CFAP95: variants seen among roughly 807,000 people sequenced by gnomAD.
CFAP95 encodes cilia- and flagella-associated protein 95.
the CFAP95 span, among the ~76,000 whole-genome samples, chr9:69,876,391 G>C: frequency 1.3e-5 from 2 of 151,850 alleles, no homozygotes; most frequent in Non-Finnish European, 2.9e-5. Flanking sequence ...AAATTACTTG[G>C]GCCTGGTGAT....
chr9:69,902,720 C>T, the CFAP95 span, among the ~76,000 whole-genome samples: 7 of 150,908 alleles, frequency 4.6e-5, no homozygotes, highest in Non-Finnish European at 7.4e-5. Context: ...TTGTGTTAAA[C>T]TTTGAAAAGC....
chr9:69,823,611 G>T, the CFAP95 span, among the ~76,000 whole-genome samples: 3 of 152,196 alleles, frequency 2.0e-5, no homozygotes, highest in Non-Finnish European at 2.9e-5. Flanking sequence ...AAGAACAGTA[G>T]AAGTTAGTTT....
At chr9:69,903,569 G>A in the CFAP95 span, among the ~76,000 whole-genome samples, 1 of 152,096 alleles carries the variant, frequency 6.6e-6, no homozygotes. Context: ...AGCCTTAGTG[G>A]GAGTATTTAT....
the CFAP95 span, among the ~76,000 whole-genome samples, chr9:69,900,130 G>T: frequency 6.6e-6 from 1 of 152,146 alleles, no homozygotes; most frequent in Admixed American, 6.5e-5. Flanking sequence ...AAATTGAGGA[G>T]CGTCTGTATA....
the CFAP95 span, chr9:69,902,268 T>C: frequency 4.4e-6 from 2 of 449,514 alleles, no homozygotes; most frequent in Non-Finnish European, 8.9e-6. Context: ...CTTCCCTATC[T>C]TCCTCCTCTT....
At chr9:69,894,334 A>G in the CFAP95 span, among the ~76,000 whole-genome samples, 2 of 152,162 alleles carry the variant, frequency 1.3e-5, no homozygotes, top group Admixed American at 1.3e-4. Flanking sequence ...TCCATGGACT[A>G]CCGAGTTGAT....
At chr9:69,897,495 G>A in the CFAP95 span, among the ~76,000 whole-genome samples, 1 of 152,086 alleles carries the variant, frequency 6.6e-6, no homozygotes, top group African/African-American at 2.4e-5. Context: ...GTTCCAGAAG[G>A]CAGTCCTAAA....
the CFAP95 span, among the ~76,000 whole-genome samples, chr9:69,823,229 A>C: frequency 6.6e-6 from 1 of 151,972 alleles, no homozygotes; most frequent in East Asian, 1.9e-4. Context: ...AAAACCATCA[A>C]ATCTTTTGAG....
At chr9:69,887,564 A>G in the CFAP95 span, among the ~76,000 whole-genome samples, 1 of 152,248 alleles carries the variant, frequency 6.6e-6, no homozygotes, top group Non-Finnish European at 1.5e-5. Context: ...TATAAAAGAA[A>G]AAAGCATACT....
chr9:69,897,834 TG>T, the CFAP95 span, among the ~76,000 whole-genome samples: 2 of 152,126 alleles, frequency 1.3e-5, no homozygotes, highest in African/African-American at 4.8e-5. Context: ...GAAGGTGGGT[TG>T]GGGGAACCAC....
chr9:69,901,304 A>T, the CFAP95 span, among the ~76,000 whole-genome samples: 9,607 of 151,924 alleles, frequency 0.063, 405 homozygotes, highest in Non-Finnish European at 0.09. Flanking sequence ...CGCCCAGCTA[A>T]ATTTTTGTAT....
At chr9:69,905,980 C>T in the CFAP95 span, 6 of 1,609,486 alleles carry the variant, frequency 3.7e-6, no homozygotes, top group African/African-American at 8.0e-5. Context: ...ATGATTATTC[C>T]ATAGTCCACA....
the CFAP95 span, among the ~76,000 whole-genome samples, chr9:69,848,084 G>T: frequency 6.6e-6 from 1 of 152,176 alleles, no homozygotes; most frequent in Non-Finnish European, 1.5e-5. Context: ...ATTTTGGAGA[G>T]TGTGCTCTAA....
the CFAP95 span, among the ~76,000 whole-genome samples, chr9:69,867,589 C>T: frequency 1.4e-4 from 21 of 152,170 alleles, no homozygotes; most frequent in Non-Finnish European, 2.9e-4. Context: ...TATTTGCCTG[C>T]CCTCTGCAGC....
the CFAP95 span, among the ~76,000 whole-genome samples, chr9:69,880,439 C>G: frequency 1.0e-3 from 154 of 152,152 alleles, no homozygotes; most frequent in Non-Finnish European, 1.7e-3. Flanking sequence ...GCTTATTTCA[C>G]TTAACATAGT....
chr9:69,870,916 G>A, the CFAP95 span, among the ~76,000 whole-genome samples: 4 of 152,044 alleles, frequency 2.6e-5, no homozygotes, highest in African/African-American at 7.2e-5. Flanking sequence ...GAGGATGAAG[G>A]ATGTACAAAA....
chr9:69,884,670 T>A, the CFAP95 span: 6 of 151,796 alleles, frequency 4.0e-5, no homozygotes, highest in Admixed American at 1.3e-4. Flanking sequence ...GTTTTTTTTT[T>A]AAATACAGTT....
At chr9:69,820,984 C>G in the CFAP95 span, 2 of 1,613,734 alleles carry the variant, frequency 1.2e-6, no homozygotes, top group Non-Finnish European at 1.7e-6. Flanking sequence ...CCCTGACCCT[C>G]CGCTCCCATC....
the CFAP95 span, among the ~76,000 whole-genome samples, chr9:69,832,760 A>T: frequency 6.8e-6 from 1 of 146,388 alleles, no homozygotes; most frequent in African/African-American, 2.5e-5. Flanking sequence ...TTTGTTACAT[A>T]TGTAGACATG....
Sources: allele counts gnomAD v4.1 joint callset (sites outside exome capture counted in the v4.1 genomes callset), GRCh38; gene constraint gnomAD v4.1.1; transcripts MANE v1.5; gene names NCBI Gene and HGNC (gene_info 2026-07-23, HGNC 2026-07-21).